FAT3: variants seen among roughly 807,000 people sequenced by gnomAD.
FAT3 encodes FAT atypical cadherin 3.
Under a neutral mutation model 310.2 loss-of-function variants are expected in FAT3, and 95 were observed. That is an observed-to-expected ratio of 0.31 (90% CI 0.26 to 0.36). FAT3 has a LOEUF of 0.36. FAT3 is among the 10% of genes least tolerant of loss of function. The probability of loss-of-function intolerance (pLI) is 1.00; values close to 1 mark genes in which losing one functional copy is unlikely to be tolerated. For synonymous variants in FAT3, 2,314 were observed against 2,192.9 expected (o/e 1.06, Z -1.54); for missense variants, 5,408 against 5,715.6 (o/e 0.95, Z 1.74).
rs1219749788 is a variant in FAT3 at position 92,239,357 on chromosome 11, C to T, written c.-18+14183C>T. Among the ~76,000 whole-genome samples the T allele has an allele frequency of 7.2e-5, 11 of 152,192 alleles. No homozygotes were observed. The East Asian group carries it at 1.4e-3, about 19-fold the overall frequency. ...TGTAGTACCCCTTCAAACATCTGCA[C>T]GTGCATGGCAAATATGGTTTGAGTT... On this transcript the variant is annotated intron_variant, in intron 1 of 27. Transcript: ENST00000525166.
At chr11:92,580,844 C>T (rs1938753620) in intron 3 of FAT3, among the ~76,000 whole-genome samples, 1 of 152,012 alleles carries the variant, frequency 6.6e-6, no homozygotes. Context: ...TACATGGCCT[C>T]CTTGGCAGTT....
At chr11:92,363,613 C>A (rs1948936290) in intron 2 of FAT3, among the ~76,000 whole-genome samples, 2 of 152,156 alleles carry the variant, frequency 1.3e-5, no homozygotes, top group African/African-American at 4.8e-5. Context: ...GACTAAATGG[C>A]ATCCCTGTCC....
At chr11:92,678,310 C>T (rs1943355140) in intron 3 of FAT3, among the ~76,000 whole-genome samples, 1 of 152,174 alleles carries the variant, frequency 6.6e-6, no homozygotes, top group African/African-American at 2.4e-5. Flanking sequence ...ATCTGGGAGG[C>T]AGTGCAAAGG....
At chr11:92,592,593 T>C (rs913259318) in intron 3 of FAT3, among the ~76,000 whole-genome samples, 1 of 152,058 alleles carries the variant, frequency 6.6e-6, no homozygotes, top group Non-Finnish European at 1.5e-5. Context: ...GTGCTGGGAT[T>C]ACAGGCGTGA....
intron 2 of FAT3, among the ~76,000 whole-genome samples, chr11:92,515,491 A>G (rs775354261): frequency 6.6e-6 from 1 of 152,116 alleles, no homozygotes; most frequent in Non-Finnish European, 1.5e-5. Context: ...AGAGGGGAAA[A>G]ATGTCTTTGG....
chr11:92,457,373 A>G (rs1160659131), intron 2 of FAT3, among the ~76,000 whole-genome samples: 1 of 152,100 alleles, frequency 6.6e-6, no homozygotes, highest in Non-Finnish European at 1.5e-5. Context: ...TGTGGCTTGG[A>G]ACCTGTGAGT....
chr11:92,284,600 C>A (rs1946513448), intron 1 of FAT3, among the ~76,000 whole-genome samples: 1 of 152,132 alleles, frequency 6.6e-6, no homozygotes, highest in African/African-American at 2.4e-5. Context: ...CAGGTTCTTG[C>A]ATGTTGAATT....
intron 7 of FAT3, among the ~76,000 whole-genome samples, chr11:92,778,011 A>G (rs764737297): frequency 3.3e-5 from 5 of 151,850 alleles, no homozygotes; most frequent in Non-Finnish European, 4.4e-5. Flanking sequence ...GAAGTGGAAG[A>G]TCCAGTGGCT....
At position 92,801,390 on chromosome 11, in the gene FAT3, G is replaced by T; in HGVS notation, c.8377G>T (p.Asp2793Tyr). Residue 2793 changes from aspartate to tyrosine, a missense_variant, in exon 10 of 28, where the codon GAC (aspartate) becomes TAC (tyrosine). Physicochemically the swap from Asp to Tyr is radical, Grantham distance 160 (BLOSUM62 -3). Transcript: ENST00000525166. ...VAATIPLDKV[D>Y]IVFTVDVDIK... is the part of the protein sequence containing the mutation. Reference sequence around the variant, plus strand: ...AGCCACTATACCCCTGGACAAAGTAGACATTGTGTTTACTGTGGATGTAGA... The same window carrying T: ...AGCCACTATACCCCTGGACAAAGTATACATTGTGTTTACTGTGGATGTAGA... The T allele has an allele frequency of 6.2e-7, 1 of 1,613,922 alleles. No homozygotes were observed. Among genetic ancestry groups the T allele is most frequent in the Non-Finnish European group, 8.5e-7 (1 of 1,179,844 alleles).
intron 1 of FAT3, among the ~76,000 whole-genome samples, chr11:92,260,683 G>A (rs968257257): frequency 2.0e-5 from 3 of 152,084 alleles, no homozygotes; most frequent in Non-Finnish European, 2.9e-5. Context: ...CAAATAGATT[G>A]TAAAGTTAAT....
intron 3 of FAT3, among the ~76,000 whole-genome samples, chr11:92,549,673 TATTATATAATGTGGC>T (rs1954734744): frequency 1.3e-5 from 2 of 152,352 alleles, no homozygotes; most frequent in African/African-American, 4.8e-5. Flanking sequence ...ACTGAAGTGA[TATTATATAATGTGGC>T]ATTATATAAT....
chr11:92,464,157 C>A (rs1016038775), intron 2 of FAT3, among the ~76,000 whole-genome samples: 8 of 152,136 alleles, frequency 5.3e-5, no homozygotes, highest in African/African-American at 1.2e-4. Context: ...TTGGGAGGGT[C>A]CCTAAAAATC....
chr11:92,287,796 C>T lies in FAT3; in HGVS notation c.-18+62622C>T, dbSNP rs139483594. The stretch of plus-strand genomic sequence containing the variant: ...CTAGTTCCATGAGAGAGCCAGTCTG[C>T]TTGGAAGTGCCAGAGGTTCCCAGGT... On this transcript the variant is annotated intron_variant, in intron 1 of 27. Coordinates refer to ENST00000525166, the MANE Select transcript of FAT3 (RefSeq NM_001367949.2). Among the ~76,000 whole-genome samples the T allele has an allele frequency of 9.5e-4, 144 of 152,226 alleles. 1 individual carries two copies. The highest frequency in any genetic ancestry group is 3.2e-3 in the African/African-American group (135 of 41,564).
intron 22 of FAT3, among the ~76,000 whole-genome samples, chr11:92,875,065 A>G (rs1949498202): frequency 1.3e-5 from 2 of 152,000 alleles, no homozygotes; most frequent in African/African-American, 4.8e-5. Context: ...GGCTAATACC[A>G]GGATAATGAG....
At chr11:92,429,262 C>T (rs1950710112) in intron 2 of FAT3, among the ~76,000 whole-genome samples, 1 of 151,964 alleles carries the variant, frequency 6.6e-6, no homozygotes, top group Admixed American at 6.6e-5. Flanking sequence ...TTATTTTGAG[C>T]TTATGTGTGT....
intron 1 of FAT3, among the ~76,000 whole-genome samples, chr11:92,278,921 G>A (rs1383487583): frequency 6.6e-6 from 1 of 152,088 alleles, no homozygotes; most frequent in Non-Finnish European, 1.5e-5. Context: ...TTCACTCTGA[G>A]TTTACAGCAT....
rs1280679030 is a variant in FAT3 at position 92,565,549 on chromosome 11, C to T, written c.3607+40601C>T. 8.6e-5 allele frequency among the ~76,000 whole-genome samples: 13 copies of T among 151,234 alleles called. No homozygotes were observed. The South Asian group carries it at 2.3e-3, about 27-fold the overall frequency. On this transcript the variant is annotated intron_variant, in intron 3 of 27. Transcript: ENST00000525166. Reference sequence around the variant, plus strand: ...CTAACTCATTTTATGAGGCCAGCATCATCCTGATACCAAAGCTGGGCAGAG... The same window carrying T: ...CTAACTCATTTTATGAGGCCAGCATTATCCTGATACCAAAGCTGGGCAGAG...
intron 10 of FAT3, 117 bp downstream of exon 10, chr11:92,802,026 C>T: frequency 2.0e-6 from 2 of 1,001,106 alleles, no homozygotes; most frequent in East Asian, 2.6e-5. Flanking sequence ...TGTAATGAAG[C>T]CTCTCTGGAG....
intron 1 of FAT3, among the ~76,000 whole-genome samples, chr11:92,350,428 T>C (rs955382611): frequency 1.3e-5 from 2 of 151,946 alleles, no homozygotes; most frequent in African/African-American, 4.8e-5. Context: ...CAAAAAGATA[T>C]GCTGGGGGCA....
Sources: gnomAD v4.1 joint callset for allele counts (sites outside exome capture counted in the v4.1 genomes callset) on GRCh38, gnomAD v4.1.1 for gene constraint, MANE v1.5 for transcripts, NCBI Gene and HGNC (gene_info 2026-07-23, HGNC 2026-07-21) for gene names.